The following ABCC5 variants were observed in gnomAD, a reference collection of about 807,000 sequenced individuals.
ABCC5 encodes the protein ATP-binding cassette sub-family C member 5.
Under a neutral mutation model 160.9 loss-of-function variants are expected in ABCC5, and 61 were observed. The ratio of observed to expected loss-of-function variants is 0.38; its 90% CI spans 0.31 to 0.47. The LOEUF (loss-of-function observed/expected upper bound fraction) is 0.47, where lower values mean the gene tolerates loss of function less well. Ranked by LOEUF, ABCC5 falls within the 20% of genes least tolerant of loss-of-function variation. ABCC5 has a pLI of 0.99. For synonymous variants in ABCC5, 666 were observed against 700.6 expected, an observed-to-expected ratio of 0.95 and a Z score of 0.78; for missense variants, 1,308 against 1,813.3, an observed-to-expected ratio of 0.72 and a Z score of 5.06.
At chr3:183,933,257 G>C (rs566988598) in intron 26 of ABCC5, among the ~76,000 whole-genome samples, 56 of 151,762 alleles carry the variant, frequency 3.7e-4, no homozygotes, top group African/African-American at 1.3e-3. Flanking sequence ...TCTTGCTAAT[G>C]AATGGGCACC....
intron 26 of ABCC5, among the ~76,000 whole-genome samples, chr3:183,929,294 G>C (rs995036833): frequency 1.3e-5 from 2 of 152,024 alleles, no homozygotes; most frequent in Admixed American, 6.6e-5. Context: ...TTAGCCAGGT[G>C]TGGTGGTGGG....
chr3:183,958,481 C>G (rs972532611), intron 17 of ABCC5, among the ~76,000 whole-genome samples: 3 of 152,098 alleles, frequency 2.0e-5, no homozygotes, highest in Admixed American at 1.3e-4. Context: ...AATGTCTCAG[C>G]CTTCTGTGCT....
rs748354236 is a variant in ABCC5 at position 183,949,991 on chromosome 3, C to T, written c.3079G>A (p.Val1027Ile). 26 of 1,613,988 alleles carry T rather than the reference C, an allele frequency of 1.6e-5. No individual in the cohort carries two copies. In the African/African-American group the frequency reaches 2.8e-4, roughly 17 times the overall value. Residue 1027 changes from valine to isoleucine, a missense_variant, in exon 21 of 30, where the codon GTC (valine) becomes ATC (isoleucine). Val to Ile is a conservative substitution (Grantham distance 29, BLOSUM62 3). Around this residue, in one of 3 missense-constraint regions of ABCC5, gnomAD observed 1,142 missense variants for 1,527.1 expected, o/e 0.75. Transcript: ENST00000334444. This position sits in a 1 kb window ranked among gnomAD's most constrained non-coding sequence, Gnocchi z 4.2. The part of the protein sequence containing the change: ...AVGPLVILFS[V>I]LHIVSRVLIR... ...ATTTACCTGGAGACAATGTGCAGGA[C>T]TGAAAAGAGGATGACAAGGGGCCCC...
At chr3:183,953,607 C>T (rs927244217) in intron 17 of ABCC5, among the ~76,000 whole-genome samples, 5 of 152,214 alleles carry the variant, frequency 3.3e-5, no homozygotes, top group African/African-American at 7.2e-5. Context: ...TAGAGCTATA[C>T]GCAGGGCAGC....
chr3:184,008,007 T>G (rs1341339214), intron 2 of ABCC5, among the ~76,000 whole-genome samples: 1 of 152,202 alleles, frequency 6.6e-6, no homozygotes, highest in South Asian at 2.1e-4. Context: ...TATCCATTCC[T>G]CAAGTTTCCA....
At chr3:183,991,785 G>A (rs938904292) in intron 2 of ABCC5, among the ~76,000 whole-genome samples, 2 of 152,204 alleles carry the variant, frequency 1.3e-5, no homozygotes, top group African/African-American at 2.4e-5. Flanking sequence ...ATAATGAGCT[G>A]AGGACTGCTG....
intron 16 of ABCC5, among the ~76,000 whole-genome samples, chr3:183,960,050 A>C (rs1433130292): frequency 6.6e-6 from 1 of 152,212 alleles, no homozygotes; most frequent in East Asian, 1.9e-4. Context: ...TGCTCTCCCC[A>C]GTCACTAAAC....
chr3:183,982,936 T>C lies in ABCC5; in HGVS notation c.663A>G (p.Leu221=), dbSNP rs759756781. The change falls in exon 6 of 30, where the codon TTA becomes TTG. Residue 221 remains leucine (L), a synonymous_variant. Transcript: ENST00000334444. This position sits in a 1 kb window ranked among gnomAD's most constrained non-coding sequence, Gnocchi z 5.2. The part of the protein sequence containing the change: ...TESNLQYSLL[L]VLGLLLTEIV... Reference sequence around the variant, plus strand: ...TTTCCGTCAGGAGGAGGCCCAGCACTAACAACAAGCTGTACTGCAGGTTAG... The same window carrying C: ...TTTCCGTCAGGAGGAGGCCCAGCACCAACAACAAGCTGTACTGCAGGTTAG... 6 of 1,614,080 alleles carry C rather than the reference T, an allele frequency of 3.7e-6. No individual in the cohort carries two copies. Among genetic ancestry groups the C allele is most frequent in the Non-Finnish European group, 5.1e-6 (6 of 1,180,044 alleles).
In ABCC5 at chr3:183,949,764, C is replaced by T. The variant is rs765677772; in HGVS notation, c.3216G>A (p.Glu1072=). 6.2e-7 allele frequency: 1 copy of T among 1,613,986 alleles called. No homozygotes were observed. The highest frequency in any genetic ancestry group is 1.3e-5 in the African/African-American group (1 of 74,934). ...ATIHAYNKGQ[E]FLHRYQELLD... ...CCATCAGGACAAACCTGTGCAGAAA[C>T]TCCTGCCCTTTATTGTAGGCGTGGA... Residue 1072 remains glutamate, a synonymous_variant, in exon 22 of 30, where the codon GAG becomes GAA. Transcript: ENST00000334444. The surrounding 1 kb of genome is among the most constrained non-coding windows in gnomAD (Gnocchi z 4.2).
intron 12 of ABCC5, among the ~76,000 whole-genome samples, chr3:183,965,801 T>A (rs1717165781): frequency 6.6e-6 from 1 of 151,834 alleles, no homozygotes; most frequent in Non-Finnish European, 1.5e-5. Flanking sequence ...AAGCAAGAGG[T>A]TCTTGCAGAA....
Position 183,951,343 on chromosome 3 carries a change from A to G in ABCC5, c.2944+98T>C. On this transcript the variant is annotated intron_variant, in intron 20 of 29. Coordinates refer to ENST00000334444, the MANE Select transcript of ABCC5 (RefSeq NM_005688.4). This position sits in a 1 kb window ranked among gnomAD's most constrained non-coding sequence, Gnocchi z 4.7. ...CACCAGCAGTCACTGTGCTCTCAGG[A>G]TCTACAGACAGACAGATCTGCACAT... 3 of 1,486,360 alleles carry G rather than the reference A, an allele frequency of 2.0e-6. No homozygotes were observed. The highest frequency in any genetic ancestry group is 2.7e-6 in the Non-Finnish European group (3 of 1,102,664). The allele number at this position is 1,486,360 out of a possible 1,614,324, so 92.1% of individuals were successfully genotyped here. A position where few individuals can be genotyped will look rare whatever the true frequency, so the allele number is the denominator to read the frequency against.
chr3:183,921,422 G>A lies in ABCC5; in HGVS notation c.4213-21C>T, dbSNP rs1460797103. Reference sequence around the variant, plus strand: ...ACCACCTGCAAAAGAAGGAGACGCCGTCAGGACACAGCTCTGGGTCATGCA... The same window carrying A: ...ACCACCTGCAAAAGAAGGAGACGCCATCAGGACACAGCTCTGGGTCATGCA... On this transcript the variant is annotated intron_variant, in intron 29 of 29. Coordinates refer to ENST00000334444, the MANE Select transcript of ABCC5 (RefSeq NM_005688.4). This position sits in a 1 kb window ranked among gnomAD's most constrained non-coding sequence, Gnocchi z 4.1. The A allele has an allele frequency of 6.8e-6, 11 of 1,609,998 alleles. No homozygotes were observed. Among genetic ancestry groups the A allele is most frequent in the African/African-American group, 4.0e-5 (3 of 74,760 alleles).
chr3:183,941,889 G>A (rs59518404), intron 25 of ABCC5, among the ~76,000 whole-genome samples: 29,277 of 151,248 alleles, frequency 0.19, 2,967 homozygotes, highest in East Asian at 0.42. Context: ...CAGGAGAATC[G>A]CTTGAACCTG....
At chr3:184,008,668 A>G (rs1721437521) in intron 2 of ABCC5, among the ~76,000 whole-genome samples, 1 of 152,236 alleles carries the variant, frequency 6.6e-6, no homozygotes. Flanking sequence ...GATGTGACTA[A>G]TAGAGCAATT....
At chr3:184,016,147 G>C (rs573250589) in intron 1 of ABCC5, among the ~76,000 whole-genome samples, 1 of 152,310 alleles carries the variant, frequency 6.6e-6, no homozygotes, top group African/African-American at 2.4e-5. Context: ...GAGCACAGGA[G>C]CAGAGAGAGG....
At chr3:184,012,856 T>C (rs571415682) in intron 2 of ABCC5, among the ~76,000 whole-genome samples, 31 of 152,272 alleles carry the variant, frequency 2.0e-4, no homozygotes, top group Admixed American at 1.6e-3. Flanking sequence ...AAAAGACTCA[T>C]TAGCAAGAAA....
intron 18 of ABCC5, among the ~76,000 whole-genome samples, chr3:183,952,238 C>T (rs1037562192): frequency 2.6e-5 from 4 of 151,452 alleles, no homozygotes; most frequent in Non-Finnish European, 4.4e-5. Context: ...CCTCTGCCTC[C>T]TGAGTTCAAG....
At chr3:183,992,521 T>G (rs1437455165) in intron 2 of ABCC5, among the ~76,000 whole-genome samples, 1 of 152,060 alleles carries the variant, frequency 6.6e-6, no homozygotes, top group Non-Finnish European at 1.5e-5. Context: ...TCAAAGCATA[T>G]ACGCCTGTAA....
intron 5 of ABCC5, among the ~76,000 whole-genome samples, chr3:183,983,271 T>C (rs1203503265): frequency 1.3e-5 from 2 of 152,236 alleles, no homozygotes; most frequent in Non-Finnish European, 2.9e-5. Flanking sequence ...CATAAACCTA[T>C]CAATGAGCTG....
Sources: allele counts gnomAD v4.1 joint callset (sites outside exome capture counted in the v4.1 genomes callset), GRCh38; gene constraint gnomAD v4.1.1; regional missense constraint gnomAD v4.1.1; non-coding constraint Gnocchi (gnomAD v3.1); transcripts MANE v1.5; gene names NCBI Gene and HGNC (gene_info 2026-07-23, HGNC 2026-07-21).